UBR1: variants seen among roughly 807,000 people sequenced by gnomAD.
UBR1 encodes the protein E3 ubiquitin-protein ligase UBR1.
In UBR1, 102 loss-of-function variants were observed where a neutral mutation model predicts 242.1. The observed-to-expected ratio is 0.42, with a 90% CI of 0.36 to 0.50. The LOEUF is 0.50. Among genes scored for constraint, UBR1 ranks in the 20% least tolerant of loss-of-function variants. The probability of loss-of-function intolerance (pLI) is 0.01; values close to 1 mark genes in which losing one functional copy is unlikely to be tolerated. For missense variants in UBR1, 1,772 were observed against 2,101.8 expected (o/e 0.84, Z 3.07); for synonymous variants, 675 against 684.8 (o/e 0.99, Z 0.22).
At chr15:43,097,473 TTC>T (rs1330947035) in intron 1 of UBR1, among the ~76,000 whole-genome samples, 3 of 152,248 alleles carry the variant, frequency 2.0e-5, no homozygotes, top group Non-Finnish European at 4.4e-5. Context: ...AGGCATTGAC[TTC>T]TCTCTAGCTA....
intron 1 of UBR1, among the ~76,000 whole-genome samples, chr15:43,088,859 T>TA: frequency 1.3e-5 from 2 of 150,604 alleles, no homozygotes; most frequent in Admixed American, 1.3e-4. Flanking sequence ...AAAAAAACTT[T>TA]TAAAAAATCT....
Position 42,998,211 on chromosome 15 carries a change from A to G in UBR1, c.3714T>C (p.Thr1238=). The change falls in exon 33 of 47, where the codon ACT becomes ACC. Residue 1238 remains threonine (T), a synonymous_variant. Coordinates refer to ENST00000290650, the MANE Select transcript of UBR1 (RefSeq NM_174916.3). ...TATAACCTGATATTCTGGCCAGAACAGTCTGTATCCACCGTGCCAGGGTCA... is the reference window on the plus strand; with the variant it reads ...TATAACCTGATATTCTGGCCAGAACGGTCTGTATCCACCGTGCCAGGGTCA... The part of the protein sequence containing the change: ...QLLTLARWIQ[T]VLARISGYNI... The G allele has an allele frequency of 6.2e-7, 1 of 1,614,062 alleles. No individual in the cohort carries two copies. The highest frequency in any genetic ancestry group is 8.5e-7 in the Non-Finnish European group (1 of 1,179,986).
At chr15:43,091,478 A>T (rs548580275) in intron 1 of UBR1, among the ~76,000 whole-genome samples, 8 of 152,356 alleles carry the variant, frequency 5.3e-5, no homozygotes, top group African/African-American at 1.9e-4. Flanking sequence ...AAATAAACAA[A>T]ACAATAAAGT....
chr15:43,050,328 G>T (rs1215860103), intron 12 of UBR1, among the ~76,000 whole-genome samples: 2 of 152,030 alleles, frequency 1.3e-5, no homozygotes, highest in Non-Finnish European at 2.9e-5. Context: ...CAACAGAATG[G>T]GAGAAAATTT....
chr15:42,945,600 A>C (rs2031719799), intron 46 of UBR1, 130 bp from the exon 47 acceptor site: 2 of 1,122,602 alleles, frequency 1.8e-6, no homozygotes, highest in Admixed American at 4.5e-5. Context: ...AGGGCTTAAA[A>C]AGGGATATTT....
At chr15:43,022,655 C>A in intron 26 of UBR1, 47 bp downstream of exon 26, 1 of 1,380,298 alleles carries the variant, frequency 7.2e-7, no homozygotes, top group Non-Finnish European at 1.0e-6. Context: ...TCCTTAAGAT[C>A]TAGACTTTCA....
chr15:42,959,482 TTA>T (rs1408545327), intron 43 of UBR1, among the ~76,000 whole-genome samples: 1 of 152,228 alleles, frequency 6.6e-6, no homozygotes, highest in African/African-American at 2.4e-5. Context: ...TCATTATACT[TTA>T]TGTTATAATG....
chr15:43,059,594 A>G, intron 8 of UBR1, 108 bp downstream of exon 8: 1 of 1,375,502 alleles, frequency 7.3e-7, no homozygotes, highest in East Asian at 2.4e-5. Context: ...AAACCAAAAA[A>G]AAAAAAAAAA....
At chr15:43,083,816 G>A (rs2034000992) in intron 2 of UBR1, among the ~76,000 whole-genome samples, 1 of 151,960 alleles carries the variant, frequency 6.6e-6, no homozygotes, top group South Asian at 2.1e-4. Context: ...GCCAAGGTGG[G>A]CGGATCACCT....
chr15:42,970,816 G>A (rs540163549), intron 39 of UBR1, among the ~76,000 whole-genome samples: 1 of 151,900 alleles, frequency 6.6e-6, no homozygotes, highest in Admixed American at 6.6e-5. Context: ...TCCACCTCCC[G>A]GATTCAAGCA....
chr15:42,995,237 T>C (rs779578573), intron 33 of UBR1, among the ~76,000 whole-genome samples: 22 of 152,128 alleles, frequency 1.4e-4, no homozygotes, highest in Non-Finnish European at 4.4e-5. Flanking sequence ...AATCATGATG[T>C]AAAACCAACA....
chr15:42,991,744 A>G (rs1809344510), intron 33 of UBR1, among the ~76,000 whole-genome samples: 1 of 151,776 alleles, frequency 6.6e-6, no homozygotes, highest in South Asian at 2.1e-4. Flanking sequence ...CCAGTCTAGT[A>G]TATGTATTTT....
At chr15:43,031,973 G>A (rs560575795) in intron 20 of UBR1, among the ~76,000 whole-genome samples, 3 of 152,286 alleles carry the variant, frequency 2.0e-5, no homozygotes, top group African/African-American at 7.2e-5. Context: ...GGCAGAGGTT[G>A]CAGTGAGCTG....
intron 15 of UBR1, among the ~76,000 whole-genome samples, chr15:43,040,445 T>C (rs555128045): frequency 6.6e-6 from 1 of 152,104 alleles, no homozygotes; most frequent in African/African-American, 2.4e-5. Flanking sequence ...ATACAAAAAT[T>C]AATTCAAGAT....
intron 10 of UBR1, 135 bp from the exon 11 acceptor site, chr15:43,056,577 G>A: frequency 1.7e-6 from 1 of 605,660 alleles, no homozygotes; most frequent in Non-Finnish European, 2.9e-6. Context: ...ATTAAGGCAA[G>A]ATATTATGAT....
chr15:42,957,073 T>C lies in UBR1; in HGVS notation c.4835+940A>G, dbSNP rs116794805. On this transcript the variant is annotated intron_variant, in intron 44 of 46. Coordinates refer to ENST00000290650, the MANE Select transcript of UBR1 (RefSeq NM_174916.3). ...GTCCACAAAGAAACTTGTAGATGAGTATTTTTTTTAGTAGCATTATCTGTA... is the reference window on the plus strand; with the variant it reads ...GTCCACAAAGAAACTTGTAGATGAGCATTTTTTTTAGTAGCATTATCTGTA... Among the ~76,000 whole-genome samples, 342 of 152,232 alleles carry C rather than the reference T, an allele frequency of 2.2e-3. 3 individuals are homozygous for C. Among genetic ancestry groups the C allele is most frequent in the African/African-American group, 7.8e-3 (325 of 41,546 alleles).
intron 3 of UBR1, among the ~76,000 whole-genome samples, chr15:43,082,369 C>G: frequency 6.6e-6 from 1 of 152,084 alleles, no homozygotes; most frequent in Non-Finnish European, 1.5e-5. Context: ...TTTTCTTGTT[C>G]TCAAAAGTTG....
At chr15:43,027,699 G>T in intron 22 of UBR1, 77 bp downstream of exon 22, 1 of 1,365,528 alleles carries the variant, frequency 7.3e-7, no homozygotes, top group Non-Finnish European at 1.0e-6. Flanking sequence ...GAACTTCAGA[G>T]CTTCTACAAA....
intron 19 of UBR1, among the ~76,000 whole-genome samples, chr15:43,032,946 TGAGA>T (rs2033276857): frequency 6.6e-6 from 1 of 152,208 alleles, no homozygotes; most frequent in Non-Finnish European, 1.5e-5. Flanking sequence ...CCTGCGTTAG[TGAGA>T]AAGTGCCTTC....
Sources: allele counts gnomAD v4.1 joint callset (sites outside exome capture counted in the v4.1 genomes callset), GRCh38; gene constraint gnomAD v4.1.1; transcripts MANE v1.5; gene names NCBI Gene and HGNC (gene_info 2026-07-23, HGNC 2026-07-21).